ABCA8: variants seen among roughly 807,000 people sequenced by gnomAD.
ABCA8 encodes ATP binding cassette subfamily A member 8.
In ABCA8, 177 loss-of-function variants were observed where a neutral mutation model predicts 192.3. The ratio of observed to expected loss-of-function variants is 0.92; its 90% CI spans 0.81 to 1.04. The LOEUF (loss-of-function observed/expected upper bound fraction) is 1.04. Ranked by LOEUF, ABCA8 falls within the 50% of genes least tolerant of loss-of-function variation. The pLI is 0.00. For missense variants in ABCA8, 1,915 were observed against 1,904.8 expected, an observed-to-expected ratio of 1.01 and a Z score of -0.10; for synonymous variants, 642 against 690.2, an observed-to-expected ratio of 0.93 and a Z score of 1.09.
At position 68,942,047 on chromosome 17, in the gene ABCA8, A is replaced by G. The variant is rs942788219; in HGVS notation, c.-5-8T>C. 6.3e-7 allele frequency: 1 copy of G among 1,576,728 alleles called. No homozygotes were observed. Among genetic ancestry groups the G allele is most frequent in the African/African-American group, 1.4e-5 (1 of 73,210 alleles). On this transcript the variant is annotated splice_region_variant and splice_polypyrimidine_tract_variant and intron_variant, in intron 2 of 39. Transcript: ENST00000586539. ...TTCTCTTCCTCATCTTGTCTTGTTT[A>G]ATGAAAAAGAAAGAAGATAAAATTA...
rs1329630882 is a variant in ABCA8 at position 68,894,426 on chromosome 17, T to C, written c.2899-116A>G. 4.2e-6 allele frequency: 4 copies of C among 941,394 alleles called. No individual in the cohort carries two copies. The East Asian group carries it at 8.0e-5, about 19-fold the overall frequency. The allele number at this position is 941,394 out of a possible 1,614,324, so 58.3% of individuals were successfully genotyped here. A position where few individuals can be genotyped will look rare whatever the true frequency, so the allele number is the denominator to read the frequency against. On this transcript the variant is annotated intron_variant, in intron 22 of 39. Coordinates refer to ENST00000586539, the MANE Select transcript of ABCA8 (RefSeq NM_001288985.2). ...ATGTTTTTCATATGGTGTTAAATAA[T>C]CACAATAAAAAGCCAAACACTGTGT...
chr17:68,894,762 G>T, intron 22 of ABCA8, 118 bp downstream of exon 22: 1 of 1,155,112 alleles, frequency 8.7e-7, no homozygotes, highest in Non-Finnish European at 1.2e-6. Context: ...AATTCACTAA[G>T]TAATAAATGA....
chr17:68,926,240 C>T (rs1405701567), intron 10 of ABCA8, among the ~76,000 whole-genome samples: 8 of 151,960 alleles, frequency 5.3e-5, no homozygotes, highest in Non-Finnish European at 8.8e-5. Flanking sequence ...TAAGAGGATA[C>T]TAATAAGCAA....
At chr17:68,887,925 T>TATATGAATA in intron 24 of ABCA8, among the ~76,000 whole-genome samples, 1 of 101,032 alleles carries the variant, frequency 9.9e-6, no homozygotes, top group Non-Finnish European at 1.9e-5. Context: ...TATATATATA[T>TATATGAATA]TATATATGGA....
At chr17:68,903,795 A>G (rs371777262) in intron 19 of ABCA8, among the ~76,000 whole-genome samples, 54 of 152,316 alleles carry the variant, frequency 3.5e-4, no homozygotes, top group African/African-American at 1.3e-3. Context: ...GGAAACAAAT[A>G]TCTTACATGT....
Position 68,929,559 on chromosome 17 carries a change from A to G in ABCA8, c.939+2T>C. On this transcript the variant is annotated splice_donor_variant, in intron 8 of 39. Transcript: ENST00000586539. LOFTEE classifies it high-confidence loss of function. ...GGAAAGATATTTAATTCACTAACTC[A>G]CCAAAGATAATCCATACAGGAGAAA... 1.2e-6 allele frequency: 2 copies of G among 1,610,620 alleles called. No individual in the cohort carries two copies. The highest frequency in any genetic ancestry group is 1.7e-6 in the Non-Finnish European group (2 of 1,178,954).
intron 14 of ABCA8, 71 bp downstream of exon 14, chr17:68,919,230 T>C: frequency 7.3e-7 from 1 of 1,371,078 alleles, no homozygotes; most frequent in Non-Finnish European, 9.9e-7. Flanking sequence ...TAATTTAAAA[T>C]TAAAACTCAG....
At chr17:68,907,917 C>A in intron 17 of ABCA8, 38 bp from the exon 18 acceptor site, 1 of 1,526,394 alleles carries the variant, frequency 6.6e-7, no homozygotes, top group South Asian at 1.3e-5. Context: ...ATATGTTACT[C>A]GACATAGTCT....
intron 32 of ABCA8, chr17:68,879,311 T>C (rs2066278236): frequency 6.6e-6 from 1 of 152,238 alleles, no homozygotes; most frequent in Non-Finnish European, 1.5e-5. Flanking sequence ...AAATATTACA[T>C]ACTGGAAAGA....
chr17:68,954,875 T>G (rs1257926898), intron 1 of ABCA8, among the ~76,000 whole-genome samples: 1 of 152,168 alleles, frequency 6.6e-6, no homozygotes, highest in African/African-American at 2.4e-5. Context: ...CAACTCAGTC[T>G]TCCAACCCAA....
intron 38 of ABCA8, among the ~76,000 whole-genome samples, 171 bp from the exon 39 acceptor site, chr17:68,868,527 G>C (rs2065971756): frequency 6.6e-6 from 1 of 152,112 alleles, no homozygotes; most frequent in Non-Finnish European, 1.5e-5. Flanking sequence ...CATTTACTTA[G>C]GTTTGGGAGA....
chr17:68,953,784 T>C (rs1191160913), intron 1 of ABCA8, among the ~76,000 whole-genome samples: 2 of 152,168 alleles, frequency 1.3e-5, no homozygotes, highest in African/African-American at 2.4e-5. Context: ...TTGCTCAAGA[T>C]TGAACTTGCT....
intron 17 of ABCA8, 145 bp from the exon 18 acceptor site, chr17:68,908,024 G>T (rs552932255): frequency 2.7e-6 from 2 of 738,196 alleles, no homozygotes; most frequent in African/African-American, 3.7e-5. Flanking sequence ...AAAATAAGAG[G>T]ACAAAAACCC....
rs2066976341 is a variant in ABCA8, at chr17:68,903,645, TAGA to T, written c.2399-149_2399-147del. On this transcript the variant is annotated intron_variant, in intron 19 of 39. Transcript: ENST00000586539. The stretch of plus-strand genomic sequence containing the variant: ...TGGTTACTGCCTTAAAATACAGAAA[TAGA>T]AGAAATATTTATTTCTTGAACAAAA... The T allele has an allele frequency of 7.5e-6, 5 of 664,462 alleles. No homozygotes were observed. The East Asian group carries it at 1.4e-4, about 18-fold the overall frequency. 41.2% of individuals were successfully genotyped at this position (664,462 alleles called of 1,614,324 possible).
At chr17:68,946,679 C>T (rs1197169017) in intron 2 of ABCA8, among the ~76,000 whole-genome samples, 2 of 152,164 alleles carry the variant, frequency 1.3e-5, no homozygotes, top group Non-Finnish European at 2.9e-5. Flanking sequence ...TGGCTCATGC[C>T]TGTAATCCCA....
At chr17:68,929,508 A>G in intron 8 of ABCA8, 53 bp downstream of exon 8, 1 of 1,564,172 alleles carries the variant, frequency 6.4e-7, no homozygotes, top group African/African-American at 1.4e-5. Flanking sequence ...AGTCGGAAAC[A>G]AACAATTTTT....
chr17:68,876,680 T>C lies in ABCA8; in HGVS notation c.4223A>G (p.Gln1408Arg), dbSNP rs2066215781. 1 of 1,614,188 alleles carries C rather than the reference T, an allele frequency of 6.2e-7. No individual in the cohort carries two copies. The highest frequency in any genetic ancestry group is 8.5e-7 in the Non-Finnish European group (1 of 1,180,016). ...CTTCACGGGAGACTTCAGCTGGTCC[T>C]GCAGCTTGAGCGCATCCACTAACCT... The part of the protein sequence containing the change: ...ITRLVDALKL[Q>R]DQLKSPVKTL... The change falls in exon 34 of 40, where the codon CAG becomes CGG. Residue 1408 changes from glutamine (Q) to arginine (R), a missense_variant. Physicochemically the swap from Gln to Arg is conservative, Grantham distance 43. Transcript: ENST00000586539.
chr17:68,877,235 T>A (rs2143254064), intron 33 of ABCA8: 1 of 278,370 alleles, frequency 3.6e-6, no homozygotes. Flanking sequence ...CCTAGGCTGG[T>A]CTGAAACTCA....
At chr17:68,868,599 A>G (rs1598169265) in intron 38 of ABCA8, among the ~76,000 whole-genome samples, 1 of 152,194 alleles carries the variant, frequency 6.6e-6, no homozygotes. Context: ...TAAAGGAGAA[A>G]ATGCTACTGA....
Sources: gnomAD v4.1 joint callset for allele counts (sites outside exome capture counted in the v4.1 genomes callset) on GRCh38, gnomAD v4.1.1 for gene constraint, MANE v1.5 for transcripts, NCBI Gene and HGNC (gene_info 2026-07-23, HGNC 2026-07-21) for gene names.